The following TSHZ2 variants were observed in gnomAD, a reference collection of about 807,000 sequenced individuals.
The protein encoded by TSHZ2 is teashirt zinc finger homeobox 2.
A neutral mutation model predicts 74.4 loss-of-function variants in TSHZ2; 21 were observed. The observed-to-expected ratio is 0.28, with a 90% confidence interval of 0.20 to 0.41. The LOEUF (loss-of-function observed/expected upper bound fraction) is 0.41. Ranked by LOEUF, TSHZ2 falls within the 10% of genes least tolerant of loss-of-function variation. TSHZ2 has a pLI of 1.00. For synonymous variants in TSHZ2, 540 were observed against 515.3 expected (o/e 1.05, Z -0.65); for missense variants, 1,244 against 1,293.5 (o/e 0.96, Z 0.59).
intron 1 of TSHZ2, among the ~76,000 whole-genome samples, chr20:53,045,703 C>T (rs1984203170): frequency 6.6e-6 from 1 of 152,316 alleles, no homozygotes; most frequent in African/African-American, 2.4e-5. Flanking sequence ...ACCCTTATGG[C>T]TGAGTGGATT....
intron 2 of TSHZ2, among the ~76,000 whole-genome samples, chr20:53,263,035 T>C (rs1045434309): frequency 7.9e-5 from 12 of 152,202 alleles, no homozygotes; most frequent in Admixed American, 4.6e-4. Context: ...TCCTGGAACA[T>C]GTTCATGTAT....
chr20:53,048,277 C>T (rs149000520), intron 1 of TSHZ2, among the ~76,000 whole-genome samples: 6 of 152,226 alleles, frequency 3.9e-5, no homozygotes, highest in Non-Finnish European at 8.8e-5. Flanking sequence ...TTACAAATTC[C>T]TCCACCTACT....
chr20:53,256,253 C>T lies in TSHZ2; in HGVS notation c.2795C>T (p.Ala932Val), dbSNP rs778152014. The change falls in exon 2 of 3, where the codon GCC becomes GTC. Residue 932 changes from alanine (A) to valine (V), a missense_variant. This residue lies in a region of TSHZ2 where 185 missense variants were observed against 213.3 expected (regional missense o/e 0.87). Coordinates refer to ENST00000371497, the MANE Select transcript of TSHZ2 (RefSeq NM_173485.6). This position sits in a 1 kb window ranked among gnomAD's most constrained non-coding sequence, Gnocchi z 4.3. ...GHPIFYCSDC[A>V]SQFRTPSTYI... Reference sequence around the variant, plus strand: ...CCCATCTTTTATTGCAGTGACTGTGCCTCCCAGTTCAGAACCCCTTCTACC... The same window carrying T: ...CCCATCTTTTATTGCAGTGACTGTGTCTCCCAGTTCAGAACCCCTTCTACC... The T allele has an allele frequency of 6.2e-7, 1 of 1,614,024 alleles. No individual in the cohort carries two copies. The highest frequency in any genetic ancestry group is 2.2e-5 in the East Asian group (1 of 44,866).
intron 2 of TSHZ2, among the ~76,000 whole-genome samples, chr20:53,477,881 C>A (rs112284293): frequency 0.08 from 11,944 of 148,840 alleles, 525 homozygotes; most frequent in East Asian, 0.17. Context: ...CAAAAGAAGA[C>A]ATTTATGCAG....
chr20:53,143,712 A>G (rs1987469103), intron 1 of TSHZ2, among the ~76,000 whole-genome samples: 1 of 151,628 alleles, frequency 6.6e-6, no homozygotes, highest in South Asian at 2.1e-4. Flanking sequence ...ATAAATAAAT[A>G]AATAATAATA....
intron 2 of TSHZ2, among the ~76,000 whole-genome samples, chr20:53,388,652 A>G (rs914419050): frequency 5.0e-5 from 7 of 140,522 alleles, no homozygotes; most frequent in African/African-American, 1.9e-4. Flanking sequence ...ACCTTGGCTC[A>G]CTGCAACCTC....
intron 1 of TSHZ2, among the ~76,000 whole-genome samples, chr20:53,210,078 G>A (rs1205127388): frequency 6.6e-6 from 1 of 152,244 alleles, no homozygotes; most frequent in East Asian, 1.9e-4. Flanking sequence ...GATCCCCGTC[G>A]CAGGACGTGA....
chr20:53,311,771 T>G (rs1978799701), intron 2 of TSHZ2, among the ~76,000 whole-genome samples: 1 of 152,186 alleles, frequency 6.6e-6, no homozygotes, highest in East Asian at 1.9e-4. Context: ...ATGCCTTATT[T>G]GAATGAGCAA....
At chr20:53,173,725 T>C (rs894495968) in intron 1 of TSHZ2, among the ~76,000 whole-genome samples, 1 of 151,144 alleles carries the variant, frequency 6.6e-6, no homozygotes, top group Non-Finnish European at 1.5e-5. Context: ...AGGGGATGGA[T>C]GGGTGGGTGG....
At chr20:53,386,655 G>A (rs568921755) in intron 2 of TSHZ2, among the ~76,000 whole-genome samples, 2 of 152,194 alleles carry the variant, frequency 1.3e-5, no homozygotes, top group East Asian at 3.8e-4. Flanking sequence ...TGCCTTTGGG[G>A]TACCGGGAGT....
intron 1 of TSHZ2, among the ~76,000 whole-genome samples, chr20:53,067,943 T>A (rs1985044339): frequency 6.6e-6 from 1 of 152,212 alleles, no homozygotes; most frequent in South Asian, 2.1e-4. Flanking sequence ...TCTTCCAGTT[T>A]CTGGTTGTGG....
At chr20:53,321,697 A>AAAAAAAG (rs1555850300) in intron 2 of TSHZ2, among the ~76,000 whole-genome samples, 17,727 of 138,754 alleles carry the variant, frequency 0.13, 2,105 homozygotes, top group East Asian at 0.26. Context: ...AAAAAAAAAA[A>AAAAAAAG]AAAGAAAGAC....
chr20:53,267,754 A>T (rs1408167337), intron 2 of TSHZ2, among the ~76,000 whole-genome samples: 1 of 152,280 alleles, frequency 6.6e-6, no homozygotes, highest in Non-Finnish European at 1.5e-5. Flanking sequence ...GAGTGCTGAC[A>T]TACTCATCAA....
intron 2 of TSHZ2, among the ~76,000 whole-genome samples, chr20:53,274,295 A>C (rs950587573): frequency 6.6e-6 from 1 of 152,080 alleles, no homozygotes; most frequent in Admixed American, 6.6e-5. Context: ...TAAGTAAACC[A>C]CTATTTTCAT....
intron 1 of TSHZ2, among the ~76,000 whole-genome samples, chr20:53,167,878 G>A (rs1473087108): frequency 6.6e-6 from 1 of 152,166 alleles, no homozygotes; most frequent in Non-Finnish European, 1.5e-5. Context: ...AGACAAAGTT[G>A]AACATGTGAA....
At chr20:53,155,805 C>T (rs1252666212) in intron 1 of TSHZ2, among the ~76,000 whole-genome samples, 3 of 152,136 alleles carry the variant, frequency 2.0e-5, no homozygotes, top group Non-Finnish European at 4.4e-5. Flanking sequence ...ACATTGGCCT[C>T]AAAAGACAAT....
intron 2 of TSHZ2, among the ~76,000 whole-genome samples, chr20:53,330,097 A>C (rs1172099384): frequency 2.6e-5 from 4 of 152,174 alleles, no homozygotes; most frequent in Non-Finnish European, 5.9e-5. Context: ...ATATTTCTTT[A>C]TTATCTGCCC....
intron 2 of TSHZ2, among the ~76,000 whole-genome samples, chr20:53,423,748 G>A (rs960780011): frequency 3.3e-5 from 5 of 152,210 alleles, no homozygotes; most frequent in Non-Finnish European, 7.3e-5. Flanking sequence ...CTGTTTGACT[G>A]GCGAGGCAAC....
chr20:53,104,467 C>A (rs1394662267), intron 1 of TSHZ2, among the ~76,000 whole-genome samples: 1 of 152,182 alleles, frequency 6.6e-6, no homozygotes, highest in Non-Finnish European at 1.5e-5. Flanking sequence ...ACCTGGAGAG[C>A]ACAGTAATGG....
Sources: gnomAD v4.1 joint callset for allele counts (sites outside exome capture counted in the v4.1 genomes callset) on GRCh38, gnomAD v4.1.1 for gene constraint, gnomAD v4.1.1 regional missense constraint, Gnocchi (gnomAD v3.1) non-coding constraint, MANE v1.5 for transcripts, NCBI Gene and HGNC (gene_info 2026-07-23, HGNC 2026-07-21) for gene names.